AIG1: variants seen among roughly 807,000 people sequenced by gnomAD.
AIG1 encodes the protein androgen-induced gene 1 protein.
Under a neutral mutation model 31.4 loss-of-function variants are expected in AIG1, and 23 were observed. That is an observed-to-expected ratio of 0.73 (90% CI 0.53 to 1.04). The LOEUF (loss-of-function observed/expected upper bound fraction) is 1.04. AIG1 is among the 50% of genes least tolerant of loss of function. The pLI, the probability that AIG1 is intolerant of heterozygous loss-of-function variation, is 0.00. For synonymous variants in AIG1, 100 were observed against 110.5 expected (o/e 0.90, Z 0.60); for missense variants, 274 against 295.0 (o/e 0.93, Z 0.52).
At chr6:143,335,330 G>T in intron 5 of AIG1, 1 of 310,784 alleles carries the variant, frequency 3.2e-6, no homozygotes, top group East Asian at 5.1e-5. Flanking sequence ...TCAAGAGATG[G>T]AGACCATCCT....
chr6:143,338,813 G>C lies in AIG1; in HGVS notation c.680-826G>C, dbSNP rs1275706940. 6.6e-6 allele frequency: 1 copy of C among 152,116 alleles called. No individual in the cohort carries two copies. The highest frequency in any genetic ancestry group is 1.5e-5 in the Non-Finnish European group (1 of 68,028). The allele number at this position is 152,116 out of a possible 1,614,324, so 9.4% of individuals were successfully genotyped here. On this transcript the variant is annotated intron_variant, in intron 5 of 5. Transcript: ENST00000357847. This position sits in a 1 kb window ranked among gnomAD's most constrained non-coding sequence, Gnocchi z 4.3. ...CAAAACCTGCAAAGTGGTATTTTAAGTTATTTTGTTTCATTTTTGCTATTG... is the reference window on the plus strand; with the variant it reads ...CAAAACCTGCAAAGTGGTATTTTAACTTATTTTGTTTCATTTTTGCTATTG...
intron 4 of AIG1, among the ~76,000 whole-genome samples, chr6:143,324,920 C>T (rs924981598): frequency 6.6e-6 from 1 of 152,184 alleles, no homozygotes; most frequent in Non-Finnish European, 1.5e-5. Context: ...CACCCCAACT[C>T]ATGACAGAAT....
intron 3 of AIG1, among the ~76,000 whole-genome samples, chr6:143,243,142 GA>G (rs1794367233): frequency 6.6e-6 from 1 of 151,944 alleles, no homozygotes; most frequent in Admixed American, 6.6e-5. Context: ...CTTCCTTTTA[GA>G]AAAAAATCCT....
Position 143,213,508 on chromosome 6 carries a change from C to CTTT in AIG1, c.399+48349_399+48351dup, listed in dbSNP as rs746350692. 7.0e-4 allele frequency among the ~76,000 whole-genome samples: 43 copies of CTTT among 61,194 alleles called. 1 individual carries two copies. Among genetic ancestry groups the CTTT allele is most frequent in the African/African-American group, 1.0e-3 (18 of 17,408 alleles). 40.1% of individuals were successfully genotyped at this position (61,194 alleles called of 152,430 possible). On this transcript the variant is annotated intron_variant, in intron 3 of 5. Transcript: ENST00000357847. ...GGAAAGTTCTTTCTTTTTCTTTCTT[C>CTTT]TTTTTTTTTTTTTTTTTTTTTTTTT...
intron 3 of AIG1, among the ~76,000 whole-genome samples, chr6:143,227,288 T>G (rs1793056265): frequency 6.6e-6 from 1 of 152,136 alleles, no homozygotes; most frequent in Non-Finnish European, 1.5e-5. Context: ...GACAAAGTGT[T>G]GAGAATGGGA....
rs558027684 is a variant in AIG1 at position 143,217,641 on chromosome 6, T to A, written c.399+52458T>A. 3.9e-5 allele frequency among the ~76,000 whole-genome samples: 6 copies of A among 152,302 alleles called. No individual in the cohort carries two copies. The South Asian group carries it at 1.2e-3, about 32-fold the overall frequency. On this transcript the variant is annotated intron_variant, in intron 3 of 5. Coordinates refer to ENST00000357847, the MANE Select transcript of AIG1 (RefSeq NM_016108.4). ...CTCTTCCCTTAGCCTCCCAGGTAGCTGGGATTACAGGCACCTGCCACCACA... is the reference window on the plus strand; with the variant it reads ...CTCTTCCCTTAGCCTCCCAGGTAGCAGGGATTACAGGCACCTGCCACCACA...
rs1183558900 is a variant in AIG1 at position 143,292,595 on chromosome 6, G to A, written c.515+8370G>A. ...TTAATTTTAGCTCAGTGACACCTAT[G>A]TTATACTTCTAACCTGTAGAATTCT... is the stretch of plus-strand genomic sequence containing the variant. On this transcript the variant is annotated intron_variant, in intron 4 of 5. Transcript: ENST00000357847. This position sits in a 1 kb window ranked among gnomAD's most constrained non-coding sequence, Gnocchi z 4.9. 2.0e-5 allele frequency among the ~76,000 whole-genome samples: 3 copies of A among 152,322 alleles called. No individual in the cohort carries two copies. Among genetic ancestry groups the A allele is most frequent in the Admixed American group, 6.5e-5 (1 of 15,292 alleles).
At chr6:143,304,903 A>C (rs1484818790) in intron 4 of AIG1, among the ~76,000 whole-genome samples, 2 of 152,016 alleles carry the variant, frequency 1.3e-5, no homozygotes, top group Admixed American at 6.5e-5. Flanking sequence ...ACAATTTCAG[A>C]GCCTGTTATT....
intron 2 of AIG1, among the ~76,000 whole-genome samples, chr6:143,151,184 A>C (rs1362879336): frequency 6.6e-6 from 1 of 152,218 alleles, no homozygotes; most frequent in Non-Finnish European, 1.5e-5. Context: ...CAATTTCCAC[A>C]ATAAGCACTT....
rs1797284669 is a variant in AIG1 at position 143,280,674 on chromosome 6, G to A, written c.400-3436G>A. On this transcript the variant is annotated intron_variant, in intron 3 of 5. Coordinates refer to ENST00000357847, the MANE Select transcript of AIG1 (RefSeq NM_016108.4). This position sits in a 1 kb window ranked among gnomAD's most constrained non-coding sequence, Gnocchi z 4.1. ...CTTATAAGTGGGAGCTAAATGATAAGAACTTATGAACACAAAGAAGGAAAT... is the reference window on the plus strand; with the variant it reads ...CTTATAAGTGGGAGCTAAATGATAAAAACTTATGAACACAAAGAAGGAAAT... 6.6e-6 allele frequency among the ~76,000 whole-genome samples: 1 copy of A among 152,154 alleles called. No homozygotes were observed. Among genetic ancestry groups the A allele is most frequent in the Non-Finnish European group, 1.5e-5 (1 of 68,026 alleles).
chr6:143,071,291 T>C (rs776734338), intron 1 of AIG1, among the ~76,000 whole-genome samples: 15 of 152,238 alleles, frequency 9.9e-5, no homozygotes, highest in Non-Finnish European at 1.9e-4. Flanking sequence ...TAATTGCTAG[T>C]AGTATTACAT....
Position 143,334,459 on chromosome 6 carries a change from A to G in AIG1, c.679+1014A>G, listed in dbSNP as rs1777325239. ...GTGTGTGTGGATCCTCTAAGATTGTATGTGTCAGGGTATTAGCCAATGTTA... is the reference window on the plus strand; with the variant it reads ...GTGTGTGTGGATCCTCTAAGATTGTGTGTGTCAGGGTATTAGCCAATGTTA... On this transcript the variant is annotated intron_variant, in intron 5 of 5. Coordinates refer to ENST00000357847, the MANE Select transcript of AIG1 (RefSeq NM_016108.4). The surrounding 1 kb of genome is among the most constrained non-coding windows in gnomAD (Gnocchi z 5.1). Among the ~76,000 whole-genome samples the G allele has an allele frequency of 6.6e-6, 1 of 152,158 alleles. No individual in the cohort carries two copies. Among genetic ancestry groups the G allele is most frequent in the Non-Finnish European group, 1.5e-5 (1 of 68,022 alleles).
At chr6:143,106,964 A>C (rs1408696991) in intron 1 of AIG1, among the ~76,000 whole-genome samples, 1 of 152,178 alleles carries the variant, frequency 6.6e-6, no homozygotes, top group Non-Finnish European at 1.5e-5. Context: ...TACCCTCATG[A>C]CTAATCACTT....
chr6:143,290,668 C>T (rs1798001409), intron 4 of AIG1, among the ~76,000 whole-genome samples: 1 of 152,178 alleles, frequency 6.6e-6, no homozygotes, highest in South Asian at 2.1e-4. Flanking sequence ...CTGGTGCCAG[C>T]TGCAACCAAT....
intron 4 of AIG1, among the ~76,000 whole-genome samples, chr6:143,286,297 G>A (rs1186273435): frequency 6.6e-6 from 1 of 152,050 alleles, no homozygotes; most frequent in African/African-American, 2.4e-5. Context: ...TCATTAAAAT[G>A]AAGCATTACT....
At chr6:143,103,576 C>T (rs887653406) in intron 1 of AIG1, among the ~76,000 whole-genome samples, 11 of 134,536 alleles carry the variant, frequency 8.2e-5, no homozygotes, top group South Asian at 2.5e-4. Flanking sequence ...GGCGGGATCT[C>T]GGCTCACTGC....
rs1789410719 is a variant in AIG1 at position 143,187,829 on chromosome 6, A to G, written c.399+22646A>G. Reference sequence around the variant, plus strand: ...CAAGTTGATGAAATACGGGCCTTCAAGAAGTGCCATTTCTCAAGCGATGTA... The same window carrying G: ...CAAGTTGATGAAATACGGGCCTTCAGGAAGTGCCATTTCTCAAGCGATGTA... On this transcript the variant is annotated intron_variant, in intron 3 of 5. Transcript: ENST00000357847. 3.4e-6 allele frequency: 5 copies of G among 1,466,722 alleles called. No individual in the cohort carries two copies. In the South Asian group the frequency reaches 4.2e-5, roughly 12 times the overall value. The allele number at this position is 1,466,722 out of a possible 1,614,324, so 90.9% of individuals were successfully genotyped here. A position where few individuals can be genotyped will look rare whatever the true frequency, so the allele number is the denominator to read the frequency against.
At chr6:143,094,126 G>A (rs946059655) in intron 1 of AIG1, 1 of 152,210 alleles carries the variant, frequency 6.6e-6, no homozygotes, top group African/African-American at 2.4e-5. Context: ...CTACCCATCT[G>A]TGAGTTGAGT....
chr6:143,261,496 G>A (rs185668939), intron 3 of AIG1, among the ~76,000 whole-genome samples: 2 of 152,330 alleles, frequency 1.3e-5, no homozygotes, highest in African/African-American at 4.8e-5. Context: ...GGAGGTGTGT[G>A]AATACTGGTG....
Sources: gnomAD v4.1 joint callset for allele counts (sites outside exome capture counted in the v4.1 genomes callset) on GRCh38, gnomAD v4.1.1 for gene constraint, Gnocchi (gnomAD v3.1) non-coding constraint, MANE v1.5 for transcripts, NCBI Gene and HGNC (gene_info 2026-07-23, HGNC 2026-07-21) for gene names.